The following HIVEP3 variants were observed in gnomAD, a reference collection of about 807,000 sequenced individuals.
The protein encoded by HIVEP3 is transcription factor HIVEP3.
In HIVEP3, 49 loss-of-function variants were observed where a neutral mutation model predicts 152.8. The observed-to-expected ratio is 0.32, with a 90% CI of 0.26 to 0.41. HIVEP3 has a LOEUF of 0.41. Among genes scored for constraint, HIVEP3 ranks in the 10% least tolerant of loss-of-function variants. The pLI is 1.00. For missense variants in HIVEP3, 2,790 were observed against 3,103.3 expected (o/e 0.90, Z 2.40); for synonymous variants, 1,269 against 1,289.0 (o/e 0.98, Z 0.33).
intron 1 of HIVEP3, among the ~76,000 whole-genome samples, chr1:41,772,249 A>G (rs1449630891): frequency 6.6e-6 from 1 of 152,194 alleles, no homozygotes; most frequent in Non-Finnish European, 1.5e-5. Context: ...TGCCGTCAAC[A>G]CCTTCCATCT....
In HIVEP3 at chr1:41,918,432, A is replaced by C. The variant is rs1557520797; in HGVS notation, c.-820T>G. Reference sequence around the variant, plus strand: ...CCCTACCTTCGGCCTTGGGATGGCAAACTGGTCCTGTGTTCTCTGACCCAC... The same window carrying C: ...CCCTACCTTCGGCCTTGGGATGGCACACTGGTCCTGTGTTCTCTGACCCAC... On this transcript the variant is annotated 5_prime_UTR_variant, in exon 1 of 9. Coordinates refer to ENST00000372583, the MANE Select transcript of HIVEP3 (RefSeq NM_024503.5). The surrounding 1 kb of genome is among the most constrained non-coding windows in gnomAD (Gnocchi z 4.3). 1 of 152,166 alleles carries C rather than the reference A, an allele frequency of 6.6e-6. No individual in the cohort carries two copies. Among genetic ancestry groups the C allele is most frequent in the Admixed American group, 6.5e-5 (1 of 15,284 alleles). 9.4% of individuals were successfully genotyped at this position (152,166 alleles called of 1,614,324 possible).
intron 1 of HIVEP3, among the ~76,000 whole-genome samples, chr1:41,801,488 T>G (rs577542960): frequency 5.3e-5 from 8 of 152,308 alleles, no homozygotes; most frequent in African/African-American, 1.9e-4. Context: ...GCCTTGGTAA[T>G]TTTAAGACTC....
intron 1 of HIVEP3, among the ~76,000 whole-genome samples, chr1:41,991,790 C>T (rs1218785094): frequency 2.2e-5 from 3 of 136,432 alleles, no homozygotes; most frequent in African/African-American, 8.6e-5. Flanking sequence ...CATCAAAAAG[C>T]TTATCCACCA....
At chr1:41,910,205 T>C (rs911752731) in intron 1 of HIVEP3, among the ~76,000 whole-genome samples, 2 of 151,870 alleles carry the variant, frequency 1.3e-5, no homozygotes, top group African/African-American at 4.8e-5. Flanking sequence ...AACAAAATTA[T>C]AGAAGGTATT....
At chr1:41,674,807 C>A (rs905782247) in intron 2 of HIVEP3, among the ~76,000 whole-genome samples, 1 of 152,186 alleles carries the variant, frequency 6.6e-6, no homozygotes, top group Non-Finnish European at 1.5e-5. Context: ...CTGCCTATTC[C>A]ACAGTCACCT....
intron 1 of HIVEP3, among the ~76,000 whole-genome samples, chr1:41,708,111 G>A (rs548561359): frequency 2.0e-5 from 3 of 152,304 alleles, no homozygotes; most frequent in African/African-American, 7.2e-5. Flanking sequence ...AGAAGGATTC[G>A]ATAGAATCCT....
intron 1 of HIVEP3, among the ~76,000 whole-genome samples, chr1:41,760,938 T>C (rs1461853651): frequency 1.3e-5 from 2 of 152,148 alleles, no homozygotes; most frequent in Non-Finnish European, 2.9e-5. Flanking sequence ...CTCCCCACTT[T>C]ACCTGTCCTC....
At chr1:41,781,046 T>C (rs1649011320) in intron 1 of HIVEP3, among the ~76,000 whole-genome samples, 1 of 152,226 alleles carries the variant, frequency 6.6e-6, no homozygotes, top group Admixed American at 6.5e-5. Flanking sequence ...TAATTGGCAA[T>C]AAAATCTCTT....
chr1:41,888,005 C>T (rs1341574940), intron 1 of HIVEP3, among the ~76,000 whole-genome samples: 2 of 151,782 alleles, frequency 1.3e-5, no homozygotes, highest in Admixed American at 6.6e-5. Flanking sequence ...ATCACACCCC[C>T]ACCCCAGGCT....
At chr1:41,949,592 G>T (rs992012743) in intron 1 of HIVEP3, among the ~76,000 whole-genome samples, 2 of 152,010 alleles carry the variant, frequency 1.3e-5, no homozygotes, top group Non-Finnish European at 2.9e-5. Context: ...ACAACATAGA[G>T]CAGAGGAGCT....
In HIVEP3 at chr1:41,583,766, G is replaced by A. The variant is rs754644398; in HGVS notation, c.1032C>T (p.Pro344=). Reference sequence around the variant, plus strand: ...TATGGCTCAGGGGGTGCTCAGATGAGGGTTCCACAAATGGAGGGGGGTCTT... The same window carrying A: ...TATGGCTCAGGGGGTGCTCAGATGAAGGTTCCACAAATGGAGGGGGGTCTT... ...SLEDPPPFVE[P]SSEHPLSHKP... Residue 344 remains proline, a synonymous_variant, in exon 4 of 9, where the codon CCC becomes CCT. Transcript: ENST00000372583. The surrounding 1 kb of genome is among the most constrained non-coding windows in gnomAD (Gnocchi z 6.9). 5.0e-6 allele frequency: 8 copies of A among 1,592,606 alleles called. No individual in the cohort carries two copies. The African/African-American group carries it at 5.4e-5, about 11-fold the overall frequency.
At position 41,584,297 on chromosome 1, in the gene HIVEP3, A is replaced by T; in HGVS notation, c.501T>A (p.Arg167=). The change falls in exon 4 of 9, where the codon CGT becomes CGA. Residue 167 remains arginine (R), a synonymous_variant. Transcript: ENST00000372583. The surrounding 1 kb of genome is among the most constrained non-coding windows in gnomAD (Gnocchi z 5.2). ...TGGGCTTCAAGGAGACCTGGGAAGG[A>T]CGAGGCACGAAGACTTTGGGGACTC... ...LPGVPKVFVP[R]PSQVSLKPTE... is the part of the protein sequence containing the mutation. 2 of 1,613,744 alleles carry T rather than the reference A, an allele frequency of 1.2e-6. No homozygotes were observed. Among genetic ancestry groups the T allele is most frequent in the Non-Finnish European group, 1.7e-6 (2 of 1,179,838 alleles).
At position 41,560,289 on chromosome 1, in the gene HIVEP3, G is replaced by T. The variant is rs145817075; in HGVS notation, c.5207+15255C>A. Among the ~76,000 whole-genome samples the T allele has an allele frequency of 2.1e-4, 32 of 152,262 alleles. No homozygotes were observed. In the East Asian group the frequency reaches 6.2e-3, roughly 29 times the overall value. On this transcript the variant is annotated intron_variant, in intron 5 of 8. Transcript: ENST00000372583. ...AGGTTAAACAACTTTTGTGTGAGGC[G>T]CAGGGCCAGGATTTGAACCCAGGTG...
chr1:41,709,866 A>C (rs1315611856), intron 1 of HIVEP3, among the ~76,000 whole-genome samples: 3 of 152,102 alleles, frequency 2.0e-5, no homozygotes, highest in African/African-American at 7.2e-5. Context: ...CTGCTGGCCC[A>C]CTGGGAACTA....
chr1:41,826,438 G>A (rs192339232), intron 1 of HIVEP3, among the ~76,000 whole-genome samples: 2 of 152,268 alleles, frequency 1.3e-5, no homozygotes, highest in African/African-American at 4.8e-5. Flanking sequence ...TTGAGATGGA[G>A]TTTTTGCTCT....
At chr1:41,525,943 G>A (rs1642888495) in intron 5 of HIVEP3, among the ~76,000 whole-genome samples, 1 of 152,030 alleles carries the variant, frequency 6.6e-6, no homozygotes. Context: ...CACGGCACGT[G>A]GAGGAGGCGT....
chr1:41,707,958 T>C (rs561462400), intron 1 of HIVEP3, among the ~76,000 whole-genome samples: 1 of 152,338 alleles, frequency 6.6e-6, no homozygotes, highest in Admixed American at 6.5e-5. Flanking sequence ...TCAATTCATG[T>C]GGGCTTGAAG....
intron 1 of HIVEP3, among the ~76,000 whole-genome samples, chr1:41,888,934 TACACACACAAAGACCACACATGCCACAC>T (rs1221519497): frequency 0.056 from 6,189 of 110,770 alleles, 435 homozygotes; most frequent in African/African-American, 0.2. Context: ...ACATGCCACA[TACACACACAAAGACCACACATGCCACAC>T]ACACACACAA....
At chr1:41,687,469 A>G (rs1646131059) in intron 2 of HIVEP3, among the ~76,000 whole-genome samples, 1 of 152,214 alleles carries the variant, frequency 6.6e-6, no homozygotes. Context: ...GGGCTTCATC[A>G]TGCTCTGCCA....
Sources: gnomAD v4.1 joint callset for allele counts (sites outside exome capture counted in the v4.1 genomes callset) on GRCh38, gnomAD v4.1.1 for gene constraint, Gnocchi (gnomAD v3.1) non-coding constraint, MANE v1.5 for transcripts, NCBI Gene and HGNC (gene_info 2026-07-23, HGNC 2026-07-21) for gene names.